The following NIPAL2 variants were observed in gnomAD, a reference collection of about 807,000 sequenced individuals.
The protein encoded by NIPAL2 is NIPA like domain containing 2.
Under a neutral mutation model 48.9 loss-of-function variants are expected in NIPAL2, and 43 were observed. That is an observed-to-expected ratio of 0.88 (90% CI 0.69 to 1.13). The LOEUF (loss-of-function observed/expected upper bound fraction) is 1.13, where lower values mean the gene tolerates loss of function less well. NIPAL2 is among the 50% of genes most tolerant of loss of function. The pLI is 0.00. For missense variants in NIPAL2, 446 were observed against 461.4 expected (o/e 0.97, Z 0.31); for synonymous variants, 167 against 174.6 (o/e 0.96, Z 0.34).
chr8:98,253,591 A>G (rs2130831867), intron 2 of NIPAL2, among the ~76,000 whole-genome samples: 1 of 152,316 alleles, frequency 6.6e-6, no homozygotes, highest in Admixed American at 6.5e-5. Flanking sequence ...CTATAGTGGC[A>G]TATTTAACAG....
At position 98,203,148 on chromosome 8, in the gene NIPAL2, T is replaced by C; in HGVS notation, c.840A>G (p.Pro280=). The C allele has an allele frequency of 6.2e-7, 1 of 1,614,138 alleles. No homozygotes were observed. The highest frequency in any genetic ancestry group is 8.5e-7 in the Non-Finnish European group (1 of 1,179,976). The change falls in exon 8 of 11, where the codon CCA becomes CCG. Residue 280 remains proline (P), a synonymous_variant. Coordinates refer to ENST00000430223, the MANE Select transcript of NIPAL2 (RefSeq NM_001321635.2). ...TKLYNTTTVV[P]VNHIFFTISA... Reference sequence around the variant, plus strand: ...TGATTGTAAAGAAAATATGATTAACTGGCACCACTGTTGTCGTATTGTAGA... The same window carrying C: ...TGATTGTAAAGAAAATATGATTAACCGGCACCACTGTTGTCGTATTGTAGA...
intron 3 of NIPAL2, among the ~76,000 whole-genome samples, chr8:98,242,950 C>G (rs1193886214): frequency 6.6e-6 from 1 of 151,982 alleles, no homozygotes; most frequent in Admixed American, 6.6e-5. Context: ...TTAAAAATTA[C>G]GTTAAAAAAT....
chr8:98,258,408 G>T (rs1670302883), intron 1 of NIPAL2, among the ~76,000 whole-genome samples: 1 of 152,174 alleles, frequency 6.6e-6, no homozygotes, highest in African/African-American at 2.4e-5. Flanking sequence ...ATACAAAATT[G>T]GTGGTGAAGT....
chr8:98,252,932 A>C (rs950161189), intron 2 of NIPAL2, among the ~76,000 whole-genome samples: 1 of 152,134 alleles, frequency 6.6e-6, no homozygotes, highest in Non-Finnish European at 1.5e-5. Flanking sequence ...TAAACATTTC[A>C]TACATTTTAA....
Position 98,258,863 on chromosome 8 carries a change from G to A in NIPAL2, c.136-4776C>T, listed in dbSNP as rs191099276. On this transcript the variant is annotated intron_variant, in intron 1 of 10. Coordinates refer to ENST00000430223, the MANE Select transcript of NIPAL2 (RefSeq NM_001321635.2). ...TCTGCTGTGATTCTGGGGGCTGCCC[G>A]ACTCCTGAATCATTCGTTACTTAAT... Among the ~76,000 whole-genome samples the A allele has an allele frequency of 2.0e-4, 30 of 151,766 alleles. No individual in the cohort carries two copies. In the East Asian group the frequency reaches 4.6e-3, roughly 24 times the overall value.
intron 1 of NIPAL2, among the ~76,000 whole-genome samples, chr8:98,261,154 T>C (rs1378526666): frequency 1.3e-5 from 2 of 150,568 alleles, no homozygotes; most frequent in Non-Finnish European, 3.0e-5. Flanking sequence ...AGACCAAAAG[T>C]AGATAAAACC....
intron 1 of NIPAL2, among the ~76,000 whole-genome samples, chr8:98,271,706 T>A (rs1815138572): frequency 6.6e-6 from 1 of 152,038 alleles, no homozygotes; most frequent in South Asian, 2.1e-4. Context: ...GCCTGATTGC[T>A]GTGGATAGGA....
chr8:98,252,075 T>C, intron 3 of NIPAL2: 1 of 159,252 alleles, frequency 6.3e-6, no homozygotes, highest in Admixed American at 6.5e-5. Flanking sequence ...TACTAAACTA[T>C]GAAGTCAAGA....
chr8:98,228,251 T>C (rs1291861521), intron 4 of NIPAL2, among the ~76,000 whole-genome samples: 2 of 152,134 alleles, frequency 1.3e-5, no homozygotes, highest in African/African-American at 2.4e-5. Flanking sequence ...TGTAGATACT[T>C]GTAAAATTTG....
At chr8:98,229,765 T>G (rs1481310140) in intron 4 of NIPAL2, among the ~76,000 whole-genome samples, 2 of 152,192 alleles carry the variant, frequency 1.3e-5, no homozygotes, top group South Asian at 2.1e-4. Context: ...ATAATCAGCA[T>G]CATGCTAAAA....
intron 1 of NIPAL2, among the ~76,000 whole-genome samples, chr8:98,285,647 A>C (rs6982941): frequency 0.17 from 26,348 of 152,164 alleles, 2,691 homozygotes; most frequent in African/African-American, 0.28. Flanking sequence ...GCTTGACTGA[A>C]CCTAGAGTTC....
intron 10 of NIPAL2, among the ~76,000 whole-genome samples, chr8:98,194,121 G>A (rs1473406755): frequency 6.6e-6 from 1 of 151,020 alleles, no homozygotes; most frequent in Non-Finnish European, 1.5e-5. Context: ...GGAGAGTGCT[G>A]AGGGCGGGTG....
At chr8:98,288,539 C>T (rs1451464304) in intron 1 of NIPAL2, among the ~76,000 whole-genome samples, 21 of 151,250 alleles carry the variant, frequency 1.4e-4, no homozygotes. Flanking sequence ...GATTTATAGT[C>T]CTTTGGGTAT....
At chr8:98,198,517 T>C (rs1810658693) in intron 8 of NIPAL2, among the ~76,000 whole-genome samples, 1 of 152,252 alleles carries the variant, frequency 6.6e-6, no homozygotes, top group African/African-American at 2.4e-5. Context: ...AAGTCCTAGA[T>C]GGTGTCTTCT....
rs558103639 is a variant in NIPAL2, at chr8:98,229,504, C to T, written c.436+6651G>A. ...CATTTCATCTTGGCCTCCTGAGTAG[C>T]TGGAACTACAGGCATGTGCCACCAT... On this transcript the variant is annotated intron_variant, in intron 4 of 10. Transcript: ENST00000430223. Among the ~76,000 whole-genome samples the T allele has an allele frequency of 3.3e-5, 5 of 152,276 alleles. No individual in the cohort carries two copies. In the South Asian group the frequency reaches 8.3e-4, roughly 25 times the overall value.
chr8:98,257,230 T>A (rs1028496737), intron 1 of NIPAL2, among the ~76,000 whole-genome samples: 2 of 152,148 alleles, frequency 1.3e-5, no homozygotes, highest in Non-Finnish European at 2.9e-5. Flanking sequence ...CAAAACAGAC[T>A]TTTTATAGCA....
At chr8:98,248,330 C>T (rs1341965884) in intron 3 of NIPAL2, among the ~76,000 whole-genome samples, 1 of 152,190 alleles carries the variant, frequency 6.6e-6, no homozygotes, top group East Asian at 1.9e-4. Flanking sequence ...TGGAAGTATG[C>T]TCCATTATAA....
At position 98,212,471 on chromosome 8, in the gene NIPAL2, G is replaced by C; in HGVS notation, c.589C>G (p.Leu197Val). The C allele has an allele frequency of 6.5e-7, 1 of 1,536,362 alleles. No homozygotes were observed. Among genetic ancestry groups the C allele is most frequent in the Non-Finnish European group, 9.0e-7 (1 of 1,110,350 alleles). Residue 197 changes from leucine to valine, a missense_variant, in exon 6 of 11, where the codon CTG (leucine) becomes GTG (valine). Leu to Val is a conservative substitution (Grantham distance 32, BLOSUM62 1). Transcript: ENST00000430223. ...ATTCCTTTTCTTTTATAGAAATACA[G>C]GAGAATGCAGAAAATTAATATTTCT... ...ILEILIFCIL[L>V]YFYKRKGMKH... is the part of the protein sequence containing the mutation.
At position 98,192,243 on chromosome 8, in the gene NIPAL2, T is replaced by G. The variant is rs1029729528; in HGVS notation, c.*735A>C. On this transcript the variant is annotated 3_prime_UTR_variant, in exon 11 of 11. Transcript: ENST00000430223. Reference sequence around the variant, plus strand: ...GCTTCATGAATTTATGTGTCAGCCTTGTGCAGGGGCTGTGCTAATCTCTGC... The same window carrying G: ...GCTTCATGAATTTATGTGTCAGCCTGGTGCAGGGGCTGTGCTAATCTCTGC... 6.6e-6 allele frequency: 1 copy of G among 152,210 alleles called. No individual in the cohort carries two copies. Among genetic ancestry groups the G allele is most frequent in the Admixed American group, 6.5e-5 (1 of 15,288 alleles). The allele number at this position is 152,210 out of a possible 1,614,324, so 9.4% of individuals were successfully genotyped here. A position where few individuals can be genotyped will look rare whatever the true frequency, so the allele number is the denominator to read the frequency against.
Sources: gnomAD v4.1 joint callset for allele counts (sites outside exome capture counted in the v4.1 genomes callset) on GRCh38, gnomAD v4.1.1 for gene constraint, MANE v1.5 for transcripts, NCBI Gene and HGNC (gene_info 2026-07-23, HGNC 2026-07-21) for gene names.